The following FANCA variants were observed in gnomAD, a reference collection of about 807,000 sequenced individuals.
FANCA encodes FA complementation group A.
In FANCA, 236 loss-of-function variants were observed where a neutral mutation model predicts 194.3. The observed-to-expected ratio is 1.21, with a 90% CI of 1.09 to 1.35. The LOEUF (loss-of-function observed/expected upper bound fraction) is 1.35. Ranked by LOEUF, FANCA falls within the 40% of genes most tolerant of loss-of-function variation. The pLI is 0.00. For synonymous variants in FANCA, 1,014 were observed against 715.8 expected, an observed-to-expected ratio of 1.42 and a Z score of -6.65; for missense variants, 2,628 against 1,813.9, an observed-to-expected ratio of 1.45 and a Z score of -8.15.
At chr16:89,805,759 T>A (rs1039478875) in intron 6 of FANCA, among the ~76,000 whole-genome samples, 14 of 122,428 alleles carry the variant, frequency 1.1e-4, no homozygotes, top group African/African-American at 4.5e-4. Flanking sequence ...ATTTCCCTTG[T>A]GACTTCTTTG....
chr16:89,767,906 G>A (rs749459378), intron 26 of FANCA, among the ~76,000 whole-genome samples: 4 of 151,992 alleles, frequency 2.6e-5, no homozygotes, highest in Admixed American at 1.3e-4. Context: ...GGCTGGTCTC[G>A]AACTGCTGAC....
chr16:89,799,409 C>T (rs2040362834), intron 9 of FANCA, among the ~76,000 whole-genome samples, 177 bp from the exon 10 acceptor site: 1 of 152,192 alleles, frequency 6.6e-6, no homozygotes, highest in African/African-American at 2.4e-5. Flanking sequence ...GAAAATGCTT[C>T]CCTGTGACCC....
chr16:89,789,436 CTTTTTTT>C (rs532159256), intron 14 of FANCA, among the ~76,000 whole-genome samples: 2 of 102,552 alleles, frequency 2.0e-5, no homozygotes, highest in Non-Finnish European at 3.6e-5. Context: ...AAACTCAATA[CTTTTTTT>C]TTTTTTTTTT....
intron 21 of FANCA, among the ~76,000 whole-genome samples, chr16:89,773,613 T>C (rs558182837): frequency 1.3e-5 from 2 of 151,960 alleles, no homozygotes; most frequent in Non-Finnish European, 2.9e-5. Context: ...ATTACATTTA[T>C]AAACAAGTTT....
At chr16:89,796,277 C>T (rs2040243246) in intron 10 of FANCA, among the ~76,000 whole-genome samples, 1 of 151,872 alleles carries the variant, frequency 6.6e-6, no homozygotes, top group Non-Finnish European at 1.5e-5. Context: ...AAGGGCAGGC[C>T]GCGCCACACC....
intron 30 of FANCA, 60 bp downstream of exon 30, chr16:89,758,517 T>C: frequency 6.3e-7 from 1 of 1,595,666 alleles, no homozygotes. Context: ...AACTCCCCTT[T>C]ATATATATCC....
At chr16:89,742,112 G>A (rs2062147627) in intron 37 of FANCA, among the ~76,000 whole-genome samples, 2 of 151,950 alleles carry the variant, frequency 1.3e-5, no homozygotes, top group Non-Finnish European at 1.5e-5. Context: ...CAGGCTATGG[G>A]ATTGTAGGTG....
At chr16:89,788,422 G>C (rs182662218) in intron 14 of FANCA, among the ~76,000 whole-genome samples, 1 of 151,078 alleles carries the variant, frequency 6.6e-6, no homozygotes, top group Non-Finnish European at 1.5e-5. Context: ...GGTGACAGAC[G>C]GGGACTCCAT....
rs777556447 is a variant in FANCA at position 89,805,375 on chromosome 16, G to A, written c.614C>T (p.Ala205Val). ...ELLESHPDMH[A>V]VGSWLFRNLC... The stretch of plus-strand genomic sequence containing the variant: ...ATTCCTGAAGAGCCACGATCCCACA[G>A]CATGCATGTCGGGATGGCTGGAGAC... The change falls in exon 7 of 43, where the codon GCT (alanine) becomes GTT (valine). Residue 205 changes from alanine to valine, a missense_variant. Coordinates refer to ENST00000389301, the MANE Select transcript of FANCA (RefSeq NM_000135.4). The A allele has an allele frequency of 1.2e-6, 2 of 1,613,636 alleles. No individual in the cohort carries two copies. Among genetic ancestry groups the A allele is most frequent in the South Asian group, 2.2e-5 (2 of 91,056 alleles).
chr16:89,737,689 ATGG>A lies in FANCA; in HGVS notation c.*909_*911del. 1 of 1,561,662 alleles carries A rather than the reference ATGG, an allele frequency of 6.4e-7. No homozygotes were observed. Among genetic ancestry groups the A allele is most frequent in the African/African-American group, 1.4e-5 (1 of 73,984 alleles). On this transcript the variant is annotated 3_prime_UTR_variant, in exon 43 of 43. Coordinates refer to ENST00000389301, the MANE Select transcript of FANCA (RefSeq NM_000135.4). The stretch of plus-strand genomic sequence containing the variant: ...TAGGCCCCTTGCTTGGGCCCACTGC[ATGG>A]TGAACCATGTGCAGAAATGTCTTCC...
At position 89,737,916 on chromosome 16, in the gene FANCA, G is replaced by A. The variant is rs749738500; in HGVS notation, c.*685C>T. The A allele has an allele frequency of 6.4e-7, 1 of 1,567,234 alleles. No individual in the cohort carries two copies. Among genetic ancestry groups the A allele is most frequent in the South Asian group, 1.1e-5 (1 of 89,138 alleles). Reference sequence around the variant, plus strand: ...AGCCAAGCCTTTGCAGTAAGTGTGAGTCAGGACCCCCTCCCAGGGCTGTGG... The same window carrying A: ...AGCCAAGCCTTTGCAGTAAGTGTGAATCAGGACCCCCTCCCAGGGCTGTGG... On this transcript the variant is annotated 3_prime_UTR_variant, in exon 43 of 43. Transcript: ENST00000389301.
intron 31 of FANCA, among the ~76,000 whole-genome samples, chr16:89,751,609 C>A (rs1272621558): frequency 6.6e-6 from 1 of 152,084 alleles, no homozygotes; most frequent in Non-Finnish European, 1.5e-5. Flanking sequence ...AGACAGGGGC[C>A]TGGCACAGAA....
At chr16:89,761,420 G>GA (rs56659330) in intron 29 of FANCA, among the ~76,000 whole-genome samples, 32,262 of 95,526 alleles carry the variant, frequency 0.34, 6,408 homozygotes, top group East Asian at 0.69. Context: ...CTCTGTCTCA[G>GA]AAAAAAAAAA....
rs539148258 is a variant in FANCA, at chr16:89,774,954, C to T, written c.1900+788G>A. On this transcript the variant is annotated intron_variant, in intron 21 of 42. Transcript: ENST00000389301. Reference sequence around the variant, plus strand: ...ACTAAAAATACAAAAACTAGCAAGGCGTAGTAGTGCGTGCCTATAATCCCA... The same window carrying T: ...ACTAAAAATACAAAAACTAGCAAGGTGTAGTAGTGCGTGCCTATAATCCCA... Among the ~76,000 whole-genome samples, 10 of 151,480 alleles carry T rather than the reference C, an allele frequency of 6.6e-5. No individual in the cohort carries two copies. In the East Asian group the frequency reaches 1.2e-3, roughly 18 times the overall value.
At chr16:89,810,183 C>T (rs567079010) in intron 5 of FANCA, among the ~76,000 whole-genome samples, 4 of 151,678 alleles carry the variant, frequency 2.6e-5, no homozygotes, top group South Asian at 2.1e-4. Context: ...ATTAGCTGGG[C>T]GTGGTGGCAG....
chr16:89,776,394 C>T (rs1188181901), intron 20 of FANCA, among the ~76,000 whole-genome samples: 2 of 151,508 alleles, frequency 1.3e-5, no homozygotes, highest in Non-Finnish European at 2.9e-5. Context: ...GCCTCGAACT[C>T]GTGACCTTGT....
chr16:89,788,771 G>C lies in FANCA; in HGVS notation c.1359+2632C>G, dbSNP rs533049061. Among the ~76,000 whole-genome samples the C allele has an allele frequency of 1.2e-4, 18 of 152,272 alleles. No individual in the cohort carries two copies. The South Asian group carries it at 3.7e-3, about 32-fold the overall frequency. ...GCTATGATCATGCCACTGCACTCCA[G>C]CCTGGGCAACACTCAGTCTCTTAAA... On this transcript the variant is annotated intron_variant, in intron 14 of 42. Coordinates refer to ENST00000389301, the MANE Select transcript of FANCA (RefSeq NM_000135.4).
chr16:89,770,769 G>A (rs1056531223), intron 23 of FANCA, 135 bp from the exon 24 acceptor site: 2 of 780,448 alleles, frequency 2.6e-6, no homozygotes, highest in South Asian at 3.1e-5. Context: ...TGTTTGGAGG[G>A]CATGTTACAA....
intron 2 of FANCA, 37 bp from the exon 3 acceptor site, chr16:89,814,650 T>G (rs1338492423): frequency 6.5e-7 from 1 of 1,530,570 alleles, no homozygotes; most frequent in African/African-American, 1.4e-5. Context: ...ATTTAAAAAA[T>G]TCAAGCTCCA....
Sources: gnomAD v4.1 joint callset for allele counts (sites outside exome capture counted in the v4.1 genomes callset) on GRCh38, gnomAD v4.1.1 for gene constraint, MANE v1.5 for transcripts, NCBI Gene and HGNC (gene_info 2026-07-23, HGNC 2026-07-21) for gene names.